Variants in ARHGAP32 observed in about 807,000 individuals in gnomAD.
ARHGAP32 encodes the protein Rho GTPase activating protein 32.
ARHGAP32 carries 51 observed loss-of-function variants against 186.5 expected under a neutral mutation model. The observed-to-expected ratio is 0.27, with a 90% CI of 0.22 to 0.35. ARHGAP32 has a LOEUF of 0.35. ARHGAP32 is among the 10% of genes least tolerant of loss of function. ARHGAP32 has a pLI of 1.00. For missense variants in ARHGAP32, 2,186 were observed against 2,623.5 expected (o/e 0.83, Z 3.64); for synonymous variants, 950 against 964.3 (o/e 0.99, Z 0.27).
At chr11:129,215,947 T>C (rs1316408917) in intron 1 of ARHGAP32, among the ~76,000 whole-genome samples, 1 of 152,132 alleles carries the variant, frequency 6.6e-6, no homozygotes, top group Non-Finnish European at 1.5e-5. Flanking sequence ...AAATGCTCGT[T>C]AGAGAGAGGC....
intron 1 of ARHGAP32, among the ~76,000 whole-genome samples, chr11:129,198,485 T>C (rs1415213114): frequency 6.6e-6 from 1 of 152,186 alleles, no homozygotes; most frequent in Non-Finnish European, 1.5e-5. Flanking sequence ...TCTCTTAAAC[T>C]GTTCTCATGC....
intron 5 of ARHGAP32, among the ~76,000 whole-genome samples, chr11:129,096,349 C>T (rs141630670): frequency 1.3e-5 from 2 of 152,126 alleles, no homozygotes; most frequent in Non-Finnish European, 2.9e-5. Context: ...CACCAGGAAT[C>T]GATCTTTCCA....
At chr11:129,209,406 T>C (rs1234010845) in intron 1 of ARHGAP32, among the ~76,000 whole-genome samples, 1 of 151,014 alleles carries the variant, frequency 6.6e-6, no homozygotes, top group Non-Finnish European at 1.5e-5. Flanking sequence ...AGAAAAAAAG[T>C]AGGATTCTAA....
chr11:129,101,220 G>A (rs1418092934), intron 5 of ARHGAP32, among the ~76,000 whole-genome samples: 1 of 152,080 alleles, frequency 6.6e-6, no homozygotes, highest in Non-Finnish European at 1.5e-5. Context: ...AACATCCAAA[G>A]GCCAGCAACC....
In ARHGAP32 at chr11:129,098,038, T is replaced by C. The variant is rs1941784543; in HGVS notation, c.445-4331A>G. On this transcript the variant is annotated intron_variant, in intron 5 of 22. Transcript: ENST00000682385. The stretch of plus-strand genomic sequence containing the variant: ...TATATTCAAAGTGCTAAAAGAACTG[T>C]CAACCACTAATTCTATAACCAGCAA... Among the ~76,000 whole-genome samples the C allele has an allele frequency of 2.0e-5, 3 of 152,190 alleles. No individual in the cohort carries two copies. In the South Asian group the frequency reaches 6.2e-4, roughly 31 times the overall value.
At chr11:129,160,607 G>A (rs933516924) in intron 2 of ARHGAP32, among the ~76,000 whole-genome samples, 2 of 152,162 alleles carry the variant, frequency 1.3e-5, no homozygotes, top group Non-Finnish European at 2.9e-5. Context: ...CAAGGGATAT[G>A]AAGGACCTCT....
At chr11:129,066,923 G>A in intron 6 of ARHGAP32, 55 bp from the exon 7 acceptor site, 2 of 1,383,922 alleles carry the variant, frequency 1.4e-6, no homozygotes, top group Non-Finnish European at 2.0e-6. Flanking sequence ...AAATACTTAT[G>A]AATCAGGCCA....
At chr11:129,276,346 G>A (rs1485694766) in intron 1 of ARHGAP32, among the ~76,000 whole-genome samples, 1 of 152,130 alleles carries the variant, frequency 6.6e-6, no homozygotes, top group Non-Finnish European at 1.5e-5. Context: ...TGTTGACCAG[G>A]CTCAAGGGCA....
At chr11:129,248,738 C>T (rs944453319) in intron 1 of ARHGAP32, among the ~76,000 whole-genome samples, 1 of 152,158 alleles carries the variant, frequency 6.6e-6, no homozygotes, top group African/African-American at 2.4e-5. Flanking sequence ...TCCTCCTCTC[C>T]TCCTTTTCCT....
At chr11:129,134,157 A>G (rs1386320145) in intron 2 of ARHGAP32, among the ~76,000 whole-genome samples, 1 of 152,156 alleles carries the variant, frequency 6.6e-6, no homozygotes, top group Non-Finnish European at 1.5e-5. Flanking sequence ...AAATAATCAT[A>G]TAGTCATCTC....
At chr11:129,076,472 A>G (rs373514606) in intron 6 of ARHGAP32, among the ~76,000 whole-genome samples, 4 of 152,226 alleles carry the variant, frequency 2.6e-5, no homozygotes, top group African/African-American at 9.6e-5. Context: ...ATTAGTCAAT[A>G]ATAGAAAAAA....
intron 5 of ARHGAP32, among the ~76,000 whole-genome samples, chr11:129,120,569 A>G (rs1054417567): frequency 1.3e-5 from 2 of 152,124 alleles, no homozygotes; most frequent in Non-Finnish European, 2.9e-5. Context: ...GATCATTGGA[A>G]TTTCTAACAT....
At chr11:129,154,149 T>C (rs772291482) in intron 2 of ARHGAP32, among the ~76,000 whole-genome samples, 24 of 152,114 alleles carry the variant, frequency 1.6e-4, no homozygotes, top group Middle Eastern at 3.2e-3. Context: ...TTACTAATTA[T>C]CAGGGAAATA....
At chr11:129,204,219 C>T (rs1455645253) in intron 1 of ARHGAP32, among the ~76,000 whole-genome samples, 5 of 151,688 alleles carry the variant, frequency 3.3e-5, no homozygotes, top group African/African-American at 7.3e-5. Context: ...AAAAACTATA[C>T]ATATATAACC....
At chr11:129,079,845 T>C (rs1941169201) in intron 6 of ARHGAP32, among the ~76,000 whole-genome samples, 9 of 152,216 alleles carry the variant, frequency 5.9e-5, no homozygotes. Context: ...AAGTATCTGC[T>C]GTCTTCAAGA....
intron 1 of ARHGAP32, among the ~76,000 whole-genome samples, chr11:129,191,035 A>G (rs939943457): frequency 8.5e-5 from 13 of 152,230 alleles, no homozygotes; most frequent in African/African-American, 2.9e-4. Context: ...AGGGTTATCA[A>G]GAGTTCCCAA....
At chr11:129,167,479 T>G (rs545951870) in intron 1 of ARHGAP32, among the ~76,000 whole-genome samples, 89 of 152,180 alleles carry the variant, frequency 5.8e-4, no homozygotes, top group African/African-American at 2.0e-3. Flanking sequence ...GCCCAGCAAC[T>G]GAAGGATAAA....
chr11:129,158,971 G>A (rs1205610344), intron 2 of ARHGAP32, among the ~76,000 whole-genome samples: 2 of 152,146 alleles, frequency 1.3e-5, no homozygotes, highest in Admixed American at 1.3e-4. Context: ...GGTAAATAAT[G>A]CAATTAAGGC....
At chr11:129,253,999 CAAGTTT>C (rs1302429557) in intron 1 of ARHGAP32, among the ~76,000 whole-genome samples, 1 of 152,040 alleles carries the variant, frequency 6.6e-6, no homozygotes, top group Non-Finnish European at 1.5e-5. Flanking sequence ...GTTAACTGTT[CAAGTTT>C]AATTCCATTA....
Sources: gnomAD v4.1 joint callset for allele counts (sites outside exome capture counted in the v4.1 genomes callset) on GRCh38, gnomAD v4.1.1 for gene constraint, MANE v1.5 for transcripts, NCBI Gene and HGNC (gene_info 2026-07-23, HGNC 2026-07-21) for gene names.